The following SCAPER variants were observed in gnomAD, a reference collection of about 807,000 sequenced individuals.
The protein encoded by SCAPER is S-phase cyclin A associated protein in the ER.
In SCAPER, 98 loss-of-function variants were observed where a neutral mutation model predicts 182.2. The observed-to-expected ratio is 0.54, with a 90% confidence interval of 0.46 to 0.64. The LOEUF (loss-of-function observed/expected upper bound fraction) is 0.64. Ranked by LOEUF, SCAPER falls within the 30% of genes least tolerant of loss-of-function variation. The pLI is 0.00. For missense variants in SCAPER, 1,432 were observed against 1,690.0 expected, an observed-to-expected ratio of 0.85 and a Z score of 2.68; for synonymous variants, 605 against 564.6, an observed-to-expected ratio of 1.07 and a Z score of -1.01.
At chr15:76,635,598 G>C (rs965855922) in intron 21 of SCAPER, among the ~76,000 whole-genome samples, 5 of 152,182 alleles carry the variant, frequency 3.3e-5, no homozygotes, top group Admixed American at 3.3e-4. Context: ...ATTACAACAA[G>C]GCGAGAAGTG....
intron 20 of SCAPER, among the ~76,000 whole-genome samples, chr15:76,679,949 C>T (rs2057593771): frequency 1.3e-5 from 2 of 152,192 alleles, no homozygotes; most frequent in South Asian, 4.1e-4. Context: ...TTCAGTTGTA[C>T]TGAACCATGC....
intron 23 of SCAPER, among the ~76,000 whole-genome samples, chr15:76,566,725 C>CA (rs2047061495): frequency 6.6e-6 from 1 of 151,914 alleles, no homozygotes; most frequent in African/African-American, 2.4e-5. Flanking sequence ...AATAATTGAA[C>CA]ATTTCTTCAA....
chr15:76,450,864 T>C (rs564429368), intron 25 of SCAPER, among the ~76,000 whole-genome samples: 1 of 152,336 alleles, frequency 6.6e-6, no homozygotes, highest in African/African-American at 2.4e-5. Flanking sequence ...TGTAAACACA[T>C]ATTTAAAAAA....
chr15:76,511,839 A>ATGTGTGTGTG lies in SCAPER; in HGVS notation c.2839-6866_2839-6865insCACACACACA, dbSNP rs769062491. ...ACAAAGATACACTTATTATATATAT[A>ATGTGTGTGTG]TATATGTGTGTGTGTGTGTGTGTGT... On this transcript the variant is annotated intron_variant, in intron 23 of 31. Transcript: ENST00000563290. Among the ~76,000 whole-genome samples the ATGTGTGTGTG allele has an allele frequency of 3.9e-3, 165 of 42,418 alleles. 1 individual carries two copies. The highest frequency in any genetic ancestry group is 0.01 in the East Asian group (5 of 490). The allele number at this position is 42,418 out of a possible 152,430, so 27.8% of individuals were successfully genotyped here. A position where few individuals can be genotyped will look rare whatever the true frequency, so the allele number is the denominator to read the frequency against.
chr15:76,535,172 G>A (rs893481636), intron 23 of SCAPER, among the ~76,000 whole-genome samples: 1 of 152,134 alleles, frequency 6.6e-6, no homozygotes, highest in East Asian at 1.9e-4. Flanking sequence ...AATTTTTCAT[G>A]CCCATGACAC....
At chr15:76,803,995 T>A (rs2065963283) in intron 6 of SCAPER, among the ~76,000 whole-genome samples, 1 of 152,164 alleles carries the variant, frequency 6.6e-6, no homozygotes, top group African/African-American at 2.4e-5. Context: ...ATTCCCCTAA[T>A]CAAAAATCAT....
chr15:76,827,500 T>C (rs928946586), intron 5 of SCAPER, among the ~76,000 whole-genome samples: 1 of 152,038 alleles, frequency 6.6e-6, no homozygotes, highest in African/African-American at 2.4e-5. Flanking sequence ...CAGAAGCCTA[T>C]AGAGATAGAA....
intron 21 of SCAPER, among the ~76,000 whole-genome samples, chr15:76,661,290 C>A (rs927619032): frequency 3.9e-5 from 6 of 152,046 alleles, no homozygotes; most frequent in African/African-American, 1.4e-4. Context: ...ATGATGAAAT[C>A]GCCAAAAGCA....
At chr15:76,608,085 G>C (rs571780577) in intron 22 of SCAPER, among the ~76,000 whole-genome samples, 7 of 152,316 alleles carry the variant, frequency 4.6e-5, no homozygotes, top group African/African-American at 1.7e-4. Flanking sequence ...TGCAGGAGGA[G>C]AGGCGCTCTG....
intron 26 of SCAPER, among the ~76,000 whole-genome samples, chr15:76,408,384 G>A (rs546553674): frequency 8.2e-4 from 125 of 152,150 alleles, no homozygotes; most frequent in Admixed American, 2.7e-3. Context: ...TTTAATGATT[G>A]AATAATATTC....
chr15:76,589,264 T>TG (rs998283493), intron 22 of SCAPER, among the ~76,000 whole-genome samples: 8 of 151,896 alleles, frequency 5.3e-5, no homozygotes, highest in Admixed American at 5.2e-4. Flanking sequence ...TGGCGGTGGG[T>TG]GGGGCCCAAG....
intron 15 of SCAPER, among the ~76,000 whole-genome samples, chr15:76,742,466 TAAAAAAAAAAA>T (rs55751202): frequency 1.9e-4 from 7 of 37,026 alleles, no homozygotes; most frequent in African/African-American, 6.0e-4. Flanking sequence ...TGTCTTTTCC[TAAAAAAAAAAA>T]AAAAAAAAAA....
At position 76,428,866 on chromosome 15, in the gene SCAPER, CTATATATA is replaced by C. The variant is rs375991391; in HGVS notation, c.3311+5204_3311+5211del. 4.6e-4 allele frequency among the ~76,000 whole-genome samples: 37 copies of C among 79,954 alleles called. 1 individual carries two copies. Among genetic ancestry groups the C allele is most frequent in the Middle Eastern group, 5.7e-3 (1 of 174 alleles). The allele number at this position is 79,954 out of a possible 152,430, so 52.5% of individuals were successfully genotyped here. On this transcript the variant is annotated intron_variant, in intron 26 of 31. Coordinates refer to ENST00000563290, the MANE Select transcript of SCAPER (RefSeq NM_020843.4). ...TAGGTATCCTGATCAGATCATTATA[CTATATATA>C]TATATATATATATATATATAAACAT... is the stretch of plus-strand genomic sequence containing the variant.
chr15:76,484,255 T>C (rs2051401117), intron 24 of SCAPER, among the ~76,000 whole-genome samples: 1 of 152,152 alleles, frequency 6.6e-6, no homozygotes, highest in Non-Finnish European at 1.5e-5. Context: ...GTACATGTTA[T>C]ATAACTTCAA....
intron 8 of SCAPER, among the ~76,000 whole-genome samples, chr15:76,786,442 T>C (rs2064613980): frequency 6.6e-6 from 1 of 151,584 alleles, no homozygotes; most frequent in South Asian, 2.1e-4. Context: ...AAATCCAACA[T>C]CCACTCATAA....
At chr15:76,534,224 C>G (rs552077320) in intron 23 of SCAPER, among the ~76,000 whole-genome samples, 1 of 152,240 alleles carries the variant, frequency 6.6e-6, no homozygotes, top group South Asian at 2.1e-4. Flanking sequence ...TTGAAAGTTA[C>G]GACAAACATT....
chr15:76,735,697 C>CAAA lies in SCAPER; in HGVS notation c.1867-2316_1867-2314dup, dbSNP rs34341849. 3.7e-3 allele frequency among the ~76,000 whole-genome samples: 398 copies of CAAA among 106,596 alleles called. 5 individuals carry two copies. The highest frequency in any genetic ancestry group is 0.016 in the African/African-American group (378 of 23,990). 69.9% of individuals were successfully genotyped at this position (106,596 alleles called of 152,430 possible). A position where few individuals can be genotyped will look rare whatever the true frequency, so the allele number is the denominator to read the frequency against. The stretch of plus-strand genomic sequence containing the variant: ...AGCCTAGGCAACAGAGACTCCGTCT[C>CAAA]AAAAAAAAAAAAAAAAGAAAGAAAA... On this transcript the variant is annotated intron_variant, in intron 15 of 31. Transcript: ENST00000563290.
chr15:76,638,973 A>C (rs1299135728), intron 21 of SCAPER, among the ~76,000 whole-genome samples: 1 of 152,234 alleles, frequency 6.6e-6, no homozygotes, highest in African/African-American at 2.4e-5. Flanking sequence ...TCAAGGTTAC[A>C]TGACATAGAT....
intron 22 of SCAPER, among the ~76,000 whole-genome samples, chr15:76,585,563 G>C (rs911703799): frequency 2.0e-5 from 3 of 152,118 alleles, no homozygotes; most frequent in African/African-American, 7.2e-5. Context: ...TTCTTAACAA[G>C]AATGCTGACA....
Sources: allele counts gnomAD v4.1 joint callset (sites outside exome capture counted in the v4.1 genomes callset), GRCh38; gene constraint gnomAD v4.1.1; transcripts MANE v1.5; gene names NCBI Gene and HGNC (gene_info 2026-07-23, HGNC 2026-07-21).